Variants in STK32B observed in about 807,000 individuals in gnomAD.
STK32B encodes the protein serine/threonine-protein kinase 32B.
Under a neutral mutation model 52.6 loss-of-function variants are expected in STK32B, and 43 were observed. The ratio of observed to expected loss-of-function variants is 0.82; its 90% CI spans 0.64 to 1.05. STK32B has a LOEUF of 1.05. STK32B is among the 50% of genes least tolerant of loss of function. The pLI is 0.00. For synonymous variants in STK32B, 238 were observed against 204.3 expected (o/e 1.17, Z -1.41); for missense variants, 621 against 534.6 (o/e 1.16, Z -1.59).
At chr4:5,452,734 G>A (rs1039120910) in intron 7 of STK32B, among the ~76,000 whole-genome samples, 4 of 151,972 alleles carry the variant, frequency 2.6e-5, no homozygotes, top group South Asian at 2.1e-4. Flanking sequence ...ACAGACATCC[G>A]GCAATTCTTT....
At chr4:5,162,870 C>T (rs1718552858) in intron 2 of STK32B, among the ~76,000 whole-genome samples, 1 of 152,216 alleles carries the variant, frequency 6.6e-6, no homozygotes, top group African/African-American at 2.4e-5. Context: ...TGTTCAGCTT[C>T]CTTCTAGAAC....
intron 7 of STK32B, among the ~76,000 whole-genome samples, chr4:5,450,397 A>G (rs1338143293): frequency 6.6e-6 from 1 of 152,100 alleles, no homozygotes; most frequent in South Asian, 2.1e-4. Flanking sequence ...ACAAACCTCA[A>G]AGTCTCTCTG....
intron 1 of STK32B, among the ~76,000 whole-genome samples, chr4:5,106,958 A>G (rs1229771552): frequency 1.3e-5 from 2 of 152,204 alleles, no homozygotes; most frequent in Non-Finnish European, 2.9e-5. Context: ...CATTGTATCC[A>G]GTGTTGAGTT....
At chr4:5,303,644 T>C (rs1729726412) in intron 3 of STK32B, among the ~76,000 whole-genome samples, 1 of 152,188 alleles carries the variant, frequency 6.6e-6, no homozygotes, top group South Asian at 2.1e-4. Flanking sequence ...CTCTGTTTAA[T>C]CTTCTGATTA....
chr4:5,427,743 A>C (rs1713220043), intron 6 of STK32B, among the ~76,000 whole-genome samples: 1 of 152,098 alleles, frequency 6.6e-6, no homozygotes, highest in Admixed American at 6.6e-5. Flanking sequence ...TTCTGTAGTG[A>C]TGTCCCCTCT....
chr4:5,163,539 TGTGTGTG>T lies in STK32B; in HGVS notation c.109-4759_109-4753del, dbSNP rs1164622459. 0.021 allele frequency among the ~76,000 whole-genome samples: 13 copies of T among 620 alleles called. No individual in the cohort carries two copies. In the East Asian group the frequency reaches 0.5, roughly 24 times the overall value. 0.4% of individuals were successfully genotyped at this position (620 alleles called of 152,430 possible). On this transcript the variant is annotated intron_variant, in intron 2 of 11. Transcript: ENST00000282908. ...AAAGAGTTTGAGATAGAGTGAAGGCTGTGTGTGTGTGTGTGTGTGTGTGTGTGTGTGT... is the reference window on the plus strand; with the variant it reads ...AAAGAGTTTGAGATAGAGTGAAGGCTTGTGTGTGTGTGTGTGTGTGTGTGT...
At chr4:5,465,710 C>G (rs1221242974) in intron 9 of STK32B, among the ~76,000 whole-genome samples, 2 of 152,124 alleles carry the variant, frequency 1.3e-5, no homozygotes, top group African/African-American at 4.8e-5. Context: ...ATGAATCTCC[C>G]TCAGCATCAC....
At chr4:5,246,478 CT>C (rs766336474) in intron 3 of STK32B, among the ~76,000 whole-genome samples, 9 of 152,248 alleles carry the variant, frequency 5.9e-5, no homozygotes, top group African/African-American at 2.2e-4. Flanking sequence ...ATTTGTCTAA[CT>C]TTTTTTCAAA....
At chr4:5,095,705 G>A (rs1223546246) in intron 1 of STK32B, among the ~76,000 whole-genome samples, 1 of 152,096 alleles carries the variant, frequency 6.6e-6, no homozygotes, top group Admixed American at 6.5e-5. Context: ...CTTGGCTTTG[G>A]GTAAATGTTG....
At chr4:5,256,756 G>C (rs1216486736) in intron 3 of STK32B, among the ~76,000 whole-genome samples, 1 of 152,152 alleles carries the variant, frequency 6.6e-6, no homozygotes, top group Non-Finnish European at 1.5e-5. Context: ...TTGGCTCTGG[G>C]CACAAGATGG....
chr4:5,362,518 G>C (rs1171458748), intron 4 of STK32B, among the ~76,000 whole-genome samples: 1 of 152,172 alleles, frequency 6.6e-6, no homozygotes, highest in African/African-American at 2.4e-5. Flanking sequence ...CAAGAAATTA[G>C]TGACACAGAT....
intron 1 of STK32B, among the ~76,000 whole-genome samples, chr4:5,092,033 G>A (rs1713104129): frequency 6.6e-6 from 1 of 152,236 alleles, no homozygotes; most frequent in South Asian, 2.1e-4. Flanking sequence ...ATTAATGGCT[G>A]TAGAAGGGAG....
chr4:5,407,385 AG>A (rs1474245770), intron 5 of STK32B, among the ~76,000 whole-genome samples: 1 of 152,108 alleles, frequency 6.6e-6, no homozygotes, highest in Non-Finnish European at 1.5e-5. Flanking sequence ...AACCTCTGCC[AG>A]TTACCCAGTT....
intron 11 of STK32B, among the ~76,000 whole-genome samples, chr4:5,494,289 A>T (rs545816953): frequency 2.3e-3 from 352 of 152,294 alleles, no homozygotes; most frequent in African/African-American, 8.2e-3. Flanking sequence ...TATATTTAGG[A>T]TAGTTAGCTC....
chr4:5,348,072 A>G (rs1733584269), intron 4 of STK32B, among the ~76,000 whole-genome samples: 1 of 152,182 alleles, frequency 6.6e-6, no homozygotes, highest in Non-Finnish European at 1.5e-5. Flanking sequence ...AAGCACCAAA[A>G]GCAAGGAAGG....
intron 11 of STK32B, among the ~76,000 whole-genome samples, chr4:5,484,675 T>G (rs1393553711): frequency 1.3e-5 from 2 of 152,200 alleles, no homozygotes; most frequent in African/African-American, 2.4e-5. Context: ...TGCAGTTTCT[T>G]CCTAGCCTCG....
chr4:5,031,159 G>A, the STK32B span, among the ~76,000 whole-genome samples: 1 of 152,056 alleles, frequency 6.6e-6, no homozygotes, highest in East Asian at 1.9e-4. Context: ...CCCACATTAT[G>A]GAGTGTCATC....
At chr4:5,479,755 C>T (rs1405886170) in intron 11 of STK32B, among the ~76,000 whole-genome samples, 1 of 152,162 alleles carries the variant, frequency 6.6e-6, no homozygotes, top group African/African-American at 2.4e-5. Flanking sequence ...TCAATATCCA[C>T]CCCCCATTTC....
chr4:5,496,683 C>A (rs1413855349), intron 11 of STK32B, among the ~76,000 whole-genome samples: 1 of 152,130 alleles, frequency 6.6e-6, no homozygotes, highest in African/African-American at 2.4e-5. Context: ...TGTTCCTTTT[C>A]GGCCATCTTG....
Sources: allele counts gnomAD v4.1 joint callset (sites outside exome capture counted in the v4.1 genomes callset), GRCh38; gene constraint gnomAD v4.1.1; transcripts MANE v1.5; gene names NCBI Gene and HGNC (gene_info 2026-07-23, HGNC 2026-07-21).